Variants in BARD1 observed in about 807,000 individuals in gnomAD.
BARD1 encodes BRCA1-associated RING domain protein 1.
A neutral mutation model predicts 77.0 loss-of-function variants in BARD1; 73 were observed. That is an observed-to-expected ratio of 0.95 (90% CI 0.79 to 1.15). The LOEUF is 1.15. Ranked by LOEUF, BARD1 falls within the 50% of genes most tolerant of loss-of-function variation. The pLI, the probability that BARD1 is intolerant of heterozygous loss-of-function variation, is 0.00. For missense variants in BARD1, 993 were observed against 938.8 expected, an observed-to-expected ratio of 1.06 and a Z score of -0.75; for synonymous variants, 384 against 338.0, an observed-to-expected ratio of 1.14 and a Z score of -1.49.
At chr2:214,781,549 T>G (rs1482753290) in intron 3 of BARD1, 40 bp from the exon 4 acceptor site, 3 of 1,555,566 alleles carry the variant, frequency 1.9e-6, no homozygotes, top group East Asian at 2.2e-5. Flanking sequence ...TACATGAAAT[T>G]TATTGCTCCC....
At chr2:214,763,721 G>A (rs1694064806) in intron 6 of BARD1, among the ~76,000 whole-genome samples, 1 of 152,126 alleles carries the variant, frequency 6.6e-6, no homozygotes, top group African/African-American at 2.4e-5. Flanking sequence ...AGTAAGCAGA[G>A]ACAGAAAAAG....
At chr2:214,748,983 G>C (rs1319843803) in intron 7 of BARD1, among the ~76,000 whole-genome samples, 1 of 152,050 alleles carries the variant, frequency 6.6e-6, no homozygotes, top group Non-Finnish European at 1.5e-5. Context: ...TAGTTGAGAG[G>C]GGAAAACAAC....
chr2:214,731,077 C>T, intron 9 of BARD1: 1 of 287,598 alleles, frequency 3.5e-6, no homozygotes, highest in Non-Finnish European at 7.1e-6. Flanking sequence ...ATAGGTTTGG[C>T]ATGTGACAGG....
chr2:214,796,926 T>A, intron 2 of BARD1, 135 bp downstream of exon 2: 1 of 756,220 alleles, frequency 1.3e-6, no homozygotes, highest in East Asian at 2.5e-5. Flanking sequence ...CAAACTAAGA[T>A]AATGTACAAT....
intron 9 of BARD1, among the ~76,000 whole-genome samples, chr2:214,744,793 GC>G (rs1484804146): frequency 6.6e-6 from 1 of 152,032 alleles, no homozygotes; most frequent in Non-Finnish European, 1.5e-5. Flanking sequence ...ACCACGCCCG[GC>G]TAATTTTTTT....
Position 214,806,464 on chromosome 2 carries a change from G to A in BARD1, c.158+2948C>T, listed in dbSNP as rs1696275674. Among the ~76,000 whole-genome samples, 3 of 152,098 alleles carry A rather than the reference G, an allele frequency of 2.0e-5. 1 individual carries two copies. Among genetic ancestry groups the A allele is most frequent in the African/African-American group, 7.2e-5 (3 of 41,560 alleles). On this transcript the variant is annotated intron_variant, in intron 1 of 10. Transcript: ENST00000260947. Reference sequence around the variant, plus strand: ...GCTACCAGGGCAAAGGCAGAGGTAGGAACAATGCTTTTCCTCCTTGAGTAA... The same window carrying A: ...GCTACCAGGGCAAAGGCAGAGGTAGAAACAATGCTTTTCCTCCTTGAGTAA...
intron 6 of BARD1, among the ~76,000 whole-genome samples, chr2:214,765,803 A>C (rs1032144687): frequency 1.3e-5 from 2 of 152,118 alleles, no homozygotes; most frequent in Non-Finnish European, 2.9e-5. Flanking sequence ...ACATCCCCTG[A>C]ATTTGCCCCA....
chr2:214,751,113 GTGTGTATA>G (rs1232895918), intron 7 of BARD1, among the ~76,000 whole-genome samples: 29 of 9,134 alleles, frequency 3.2e-3, no homozygotes, highest in African/African-American at 5.8e-3. Flanking sequence ...GTGTGTGTGT[GTGTGTATA>G]TATATATATA....
chr2:214,768,800 A>G (rs1694336596), intron 5 of BARD1, among the ~76,000 whole-genome samples: 1 of 152,228 alleles, frequency 6.6e-6, no homozygotes, highest in Admixed American at 6.5e-5. Flanking sequence ...ATATATCTAC[A>G]ATTGGATAGG....
At chr2:214,767,869 C>T (rs1694290332) in intron 5 of BARD1, among the ~76,000 whole-genome samples, 2 of 152,126 alleles carry the variant, frequency 1.3e-5, no homozygotes, top group South Asian at 2.1e-4. Flanking sequence ...AAAAGAAAGG[C>T]TATTCTCATT....
intron 8 of BARD1, among the ~76,000 whole-genome samples, chr2:214,745,366 A>G (rs1322659457): frequency 6.6e-6 from 1 of 152,208 alleles, no homozygotes; most frequent in African/African-American, 2.4e-5. Flanking sequence ...CATAAACCAT[A>G]TATCTTAAAG....
intron 6 of BARD1, among the ~76,000 whole-genome samples, chr2:214,765,463 A>C (rs1439884268): frequency 6.6e-6 from 1 of 152,176 alleles, no homozygotes; most frequent in African/African-American, 2.4e-5. Flanking sequence ...CATGTTTTAT[A>C]GGTGAGGACA....
rs1693321754 is a variant in BARD1 at position 214,749,865 on chromosome 2, A to T, written c.1677+2582T>A. Among the ~76,000 whole-genome samples the T allele has an allele frequency of 3.3e-5, 5 of 152,052 alleles. No individual in the cohort carries two copies. The South Asian group carries it at 1.0e-3, about 31-fold the overall frequency. On this transcript the variant is annotated intron_variant, in intron 7 of 10. Transcript: ENST00000260947. The stretch of plus-strand genomic sequence containing the variant: ...CACTTTTCTCATTTGTAAAGTGAGA[A>T]AATTAAACTGCTGATTTCTAGCTTC...
intron 2 of BARD1, among the ~76,000 whole-genome samples, chr2:214,794,944 T>G (rs1695694216): frequency 2.6e-5 from 4 of 152,188 alleles, no homozygotes; most frequent in African/African-American, 7.2e-5. Context: ...TCTCAAACCT[T>G]TGATTGGTTG....
chr2:214,768,270 A>T (rs1694310445), intron 5 of BARD1, among the ~76,000 whole-genome samples: 1 of 145,150 alleles, frequency 6.9e-6, no homozygotes, highest in African/African-American at 2.6e-5. Flanking sequence ...TATTCTAATA[A>T]ATCTCTGGCA....
At chr2:214,772,399 C>T (rs1232795170) in intron 4 of BARD1, among the ~76,000 whole-genome samples, 1 of 151,964 alleles carries the variant, frequency 6.6e-6, no homozygotes, top group Non-Finnish European at 1.5e-5. Context: ...AAAGTACTCA[C>T]ACACAAAAAC....
chr2:214,749,450 G>C (rs1693297568), intron 7 of BARD1, among the ~76,000 whole-genome samples: 1 of 152,044 alleles, frequency 6.6e-6, no homozygotes. Context: ...AAACTCAAAA[G>C]GCCATGTCTA....
At chr2:214,749,306 A>G (rs1435442322) in intron 7 of BARD1, among the ~76,000 whole-genome samples, 1 of 152,188 alleles carries the variant, frequency 6.6e-6, no homozygotes, top group Non-Finnish European at 1.5e-5. Flanking sequence ...AGAGACTGGT[A>G]GTGGCTGGGG....
Position 214,780,838 on chromosome 2 carries a change from C to A in BARD1, c.1036G>T (p.Asp346Tyr), listed in dbSNP as rs1694968440. The change falls in exon 4 of 11, where the codon GAT (aspartate) becomes TAT (tyrosine). Residue 346 changes from aspartate to tyrosine, a missense_variant. Asp to Tyr is a radical substitution (Grantham distance 160). Coordinates refer to ENST00000260947, the MANE Select transcript of BARD1 (RefSeq NM_000465.4). Reference sequence around the variant, plus strand: ...GAGGGCACCGTTTGCTTAACAAAATCTCCACTGGTGCTCAGAATGCTGGTT... The same window carrying A: ...GAGGGCACCGTTTGCTTAACAAAATATCCACTGGTGCTCAGAATGCTGGTT... ...CRTSILSTSG[D>Y]FVKQTVPSEN... 1.9e-6 allele frequency: 3 copies of A among 1,614,122 alleles called. No individual in the cohort carries two copies. Among genetic ancestry groups the A allele is most frequent in the Non-Finnish European group, 2.5e-6 (3 of 1,180,010 alleles).
Sources: allele counts gnomAD v4.1 joint callset (sites outside exome capture counted in the v4.1 genomes callset), GRCh38; gene constraint gnomAD v4.1.1; transcripts MANE v1.5; gene names NCBI Gene and HGNC (gene_info 2026-07-23, HGNC 2026-07-21).